The following CNTNAP2 variants were observed in gnomAD, a reference collection of about 807,000 sequenced individuals.
The protein encoded by CNTNAP2 is contactin-associated protein-like 2.
A neutral mutation model predicts 155.2 loss-of-function variants in CNTNAP2; 98 were observed. The ratio of observed to expected loss-of-function variants is 0.63; its 90% CI spans 0.54 to 0.75. The LOEUF is 0.75. CNTNAP2 is among the 30% of genes least tolerant of loss of function. CNTNAP2 has a pLI of 0.00. For synonymous variants in CNTNAP2, 651 were observed against 631.2 expected (o/e 1.03, Z -0.47); for missense variants, 1,727 against 1,688.1 (o/e 1.02, Z -0.40).
intron 11 of CNTNAP2, among the ~76,000 whole-genome samples, chr7:147,514,620 C>CT (rs1491449881): frequency 1.6e-3 from 134 of 81,348 alleles, no homozygotes; most frequent in Admixed American, 4.7e-3. Context: ...GAGATTTGAA[C>CT]TAAAAAAAAA....
At chr7:147,667,693 T>C (rs1297710977) in intron 13 of CNTNAP2, among the ~76,000 whole-genome samples, 4 of 152,088 alleles carry the variant, frequency 2.6e-5, no homozygotes, top group African/African-American at 7.2e-5. Context: ...GTAATGTTTT[T>C]CCCTCCAAAC....
chr7:146,552,339 T>C (rs542731868), intron 1 of CNTNAP2, among the ~76,000 whole-genome samples: 1 of 152,286 alleles, frequency 6.6e-6, no homozygotes, highest in East Asian at 1.9e-4. Context: ...TTCATTCTTT[T>C]CGTTTTGCAG....
chr7:146,236,634 T>A (rs1799477820), intron 1 of CNTNAP2, among the ~76,000 whole-genome samples: 2 of 152,182 alleles, frequency 1.3e-5, no homozygotes, highest in Admixed American at 1.3e-4. Context: ...TAATATAGAC[T>A]TAATAACAAT....
At chr7:146,547,869 A>C (rs910611679) in intron 1 of CNTNAP2, among the ~76,000 whole-genome samples, 14 of 150,282 alleles carry the variant, frequency 9.3e-5, no homozygotes, top group African/African-American at 3.4e-4. Context: ...AAGGAACCTT[A>C]ATACGGTTTC....
intron 3 of CNTNAP2, among the ~76,000 whole-genome samples, chr7:146,907,657 A>G (rs1796166047): frequency 2.0e-5 from 3 of 150,888 alleles, no homozygotes; most frequent in Admixed American, 1.3e-4. Context: ...GAAGCGCTAA[A>G]CATGGAAAGG....
chr7:146,554,552 A>T (rs1428201306), intron 1 of CNTNAP2, among the ~76,000 whole-genome samples: 2 of 152,120 alleles, frequency 1.3e-5, no homozygotes, highest in Non-Finnish European at 2.9e-5. Flanking sequence ...AATCTCCTCT[A>T]TTCTCTCTTA....
rs192016492 is a variant in CNTNAP2, at chr7:146,905,817, G to C, written c.402+65913G>C. ...GAGCCAAGATGGCCGAATAGGAACA[G>C]CTCCGGGTCTACAGCTCCCAGCGTG... On this transcript the variant is annotated intron_variant, in intron 3 of 23. Transcript: ENST00000361727. 9.8e-5 allele frequency among the ~76,000 whole-genome samples: 15 copies of C among 152,332 alleles called. 1 individual carries two copies. Among genetic ancestry groups the C allele is most frequent in the African/African-American group, 2.4e-4 (10 of 41,570 alleles).
chr7:147,160,233 G>T (rs913393212), intron 8 of CNTNAP2, among the ~76,000 whole-genome samples: 2 of 151,944 alleles, frequency 1.3e-5, no homozygotes, highest in African/African-American at 4.8e-5. Flanking sequence ...TCAATATACA[G>T]AACCATACGT....
intron 9 of CNTNAP2, among the ~76,000 whole-genome samples, chr7:147,357,305 C>T (rs926870355): frequency 6.6e-6 from 1 of 152,002 alleles, no homozygotes; most frequent in African/African-American, 2.4e-5. Flanking sequence ...TAGACTGGGT[C>T]GTGATAAAGC....
chr7:148,366,571 T>C (rs1044872648), intron 21 of CNTNAP2, among the ~76,000 whole-genome samples: 3 of 152,226 alleles, frequency 2.0e-5, no homozygotes, highest in East Asian at 1.9e-4. Flanking sequence ...CAAGACCACA[T>C]GTTGAAAAGA....
chr7:147,057,997 C>A (rs1203805288), intron 4 of CNTNAP2, among the ~76,000 whole-genome samples: 1 of 152,064 alleles, frequency 6.6e-6, no homozygotes, highest in Non-Finnish European at 1.5e-5. Flanking sequence ...AAGAAAATGA[C>A]CTCTTGAATT....
At chr7:146,326,553 A>C (rs1002973727) in intron 1 of CNTNAP2, among the ~76,000 whole-genome samples, 1 of 152,210 alleles carries the variant, frequency 6.6e-6, no homozygotes, top group Admixed American at 6.5e-5. Context: ...GTGTTATAAA[A>C]TTGAGGTAAT....
At chr7:147,966,034 A>G (rs1270181204) in intron 14 of CNTNAP2, among the ~76,000 whole-genome samples, 2 of 152,128 alleles carry the variant, frequency 1.3e-5, no homozygotes, top group Admixed American at 1.3e-4. Context: ...CCACTAGGGG[A>G]GCAAAATGAC....
chr7:148,194,136 A>AGTGT (rs5888309), intron 18 of CNTNAP2, among the ~76,000 whole-genome samples: 55,775 of 141,626 alleles, frequency 0.39, 11,250 homozygotes, highest in South Asian at 0.44. Context: ...ATGCCTGGCT[A>AGTGT]GTGTGTGTGT....
intron 1 of CNTNAP2, among the ~76,000 whole-genome samples, chr7:146,657,784 A>G (rs971924230): frequency 6.6e-6 from 1 of 152,174 alleles, no homozygotes; most frequent in Non-Finnish European, 1.5e-5. Context: ...AAAGAGTCTA[A>G]TTTTAAAAGC....
At chr7:147,313,739 G>A (rs13226522) in intron 9 of CNTNAP2, among the ~76,000 whole-genome samples, 5,257 of 152,148 alleles carry the variant, frequency 0.035, 125 homozygotes, top group Non-Finnish European at 0.052. Flanking sequence ...CTGACTTGGC[G>A]ATGCGGGCTC....
intron 1 of CNTNAP2, among the ~76,000 whole-genome samples, chr7:146,248,361 C>T (rs551765059): frequency 7.2e-5 from 11 of 152,046 alleles, no homozygotes; most frequent in East Asian, 1.9e-4. Context: ...TGGGACTTGC[C>T]GCTAAGGGTG....
chr7:146,398,709 CTCT>C (rs1193443707), intron 1 of CNTNAP2, among the ~76,000 whole-genome samples: 1 of 152,030 alleles, frequency 6.6e-6, no homozygotes, highest in Admixed American at 6.6e-5. Context: ...TGAAATATGT[CTCT>C]TGATAATAAA....
intron 13 of CNTNAP2, among the ~76,000 whole-genome samples, chr7:147,828,489 TC>T (rs1798495027): frequency 1.3e-5 from 2 of 152,230 alleles, no homozygotes; most frequent in Non-Finnish European, 2.9e-5. Context: ...CAATGGCACA[TC>T]TTTTTTGGAA....
Sources: gnomAD v4.1 joint callset for allele counts (sites outside exome capture counted in the v4.1 genomes callset) on GRCh38, gnomAD v4.1.1 for gene constraint, MANE v1.5 for transcripts, NCBI Gene and HGNC (gene_info 2026-07-23, HGNC 2026-07-21) for gene names.